Variants in FAM107B observed in about 807,000 individuals in gnomAD.
The protein encoded by FAM107B is protein FAM107B.
Under a neutral mutation model 31.5 loss-of-function variants are expected in FAM107B, and 21 were observed. The observed-to-expected ratio is 0.67, with a 90% CI of 0.47 to 0.96. The LOEUF is 0.96. Ranked by LOEUF, FAM107B falls within the 40% of genes least tolerant of loss-of-function variation. The pLI is 0.00. For missense variants in FAM107B, 452 were observed against 377.1 expected, an observed-to-expected ratio of 1.20 and a Z score of -1.64; for synonymous variants, 157 against 141.5, an observed-to-expected ratio of 1.11 and a Z score of -0.78.
At chr10:14,631,331 T>C (rs183530952) in intron 2 of FAM107B, among the ~76,000 whole-genome samples, 2 of 152,340 alleles carry the variant, frequency 1.3e-5, no homozygotes, top group East Asian at 1.9e-4. Context: ...CCATATAAAG[T>C]ACCATGTCAG....
At chr10:14,724,697 AAAC>A (rs1410751013) in intron 1 of FAM107B, among the ~76,000 whole-genome samples, 1 of 152,250 alleles carries the variant, frequency 6.6e-6, no homozygotes, top group East Asian at 1.9e-4. Context: ...GGAAAAAAAA[AAAC>A]AACACCTAAA....
intron 2 of FAM107B, among the ~76,000 whole-genome samples, chr10:14,583,653 A>C (rs1021568327): frequency 6.6e-6 from 1 of 152,146 alleles, no homozygotes; most frequent in Non-Finnish European, 1.5e-5. Flanking sequence ...GAGGAAGAAG[A>C]AGAGGCTGGG....
chr10:14,580,739 G>C (rs12773723), intron 2 of FAM107B, among the ~76,000 whole-genome samples: 26,657 of 151,564 alleles, frequency 0.18, 2,759 homozygotes, highest in Middle Eastern at 0.29. Context: ...ATTATGCCTA[G>C]CCTTTAATTC....
chr10:14,702,807 C>G (rs534967052), intron 1 of FAM107B, among the ~76,000 whole-genome samples: 28 of 152,266 alleles, frequency 1.8e-4, no homozygotes, highest in Admixed American at 1.5e-3. Context: ...ATTTTGCCCT[C>G]AAAGATCAAC....
intron 1 of FAM107B, among the ~76,000 whole-genome samples, chr10:14,674,180 A>G (rs1375210721): frequency 6.6e-6 from 1 of 152,216 alleles, no homozygotes; most frequent in Non-Finnish European, 1.5e-5. Context: ...ACTTCAGCAC[A>G]TTGGTCTAGG....
intron 1 of FAM107B, among the ~76,000 whole-genome samples, chr10:14,719,461 G>A (rs561195997): frequency 2.6e-4 from 40 of 151,954 alleles, no homozygotes; most frequent in African/African-American, 8.7e-4. Context: ...TTCTTTCAAC[G>A]AACATAAATA....
chr10:14,739,598 C>T (rs546936332), intron 1 of FAM107B, among the ~76,000 whole-genome samples: 88 of 151,788 alleles, frequency 5.8e-4, no homozygotes, highest in African/African-American at 2.0e-3. Flanking sequence ...CAGTGCCTGG[C>T]ATATAGTAAG....
chr10:14,549,866 C>T lies in FAM107B; in HGVS notation c.470-19351G>A, dbSNP rs569136826. ...CTTAAAAGCTGAATGGGAAAATGAC[C>T]GCATCCTGCAAGTGAGCATCCTACT... On this transcript the variant is annotated intron_variant, in intron 2 of 4. Coordinates refer to ENST00000181796, the MANE Select transcript of FAM107B (RefSeq NM_031453.4). 7.9e-5 allele frequency among the ~76,000 whole-genome samples: 12 copies of T among 152,116 alleles called. No homozygotes were observed. The East Asian group carries it at 1.7e-3, about 22-fold the overall frequency.
In FAM107B at chr10:14,767,757, G is replaced by A. The variant is rs562658809; in HGVS notation, c.411+6496C>T. ...CTGAAAGCTTTTACTCTGAAATCAGGAACAAAACAAGGATGCTTACTTTGC... is the reference window on the plus strand; with the variant it reads ...CTGAAAGCTTTTACTCTGAAATCAGAAACAAAACAAGGATGCTTACTTTGC... On this transcript the variant is annotated intron_variant, in intron 1 of 4. Transcript: ENST00000181796. Among the ~76,000 whole-genome samples the A allele has an allele frequency of 1.1e-3, 175 of 152,204 alleles. 2 individuals carry two copies. The South Asian group carries it at 0.035, about 30-fold the overall frequency.
intron 1 of FAM107B, among the ~76,000 whole-genome samples, chr10:14,729,449 T>A (rs1856112909): frequency 6.6e-6 from 1 of 152,148 alleles, no homozygotes; most frequent in African/African-American, 2.4e-5. Context: ...GGAATGCTAA[T>A]ACAAATTAGC....
intron 1 of FAM107B, among the ~76,000 whole-genome samples, chr10:14,739,065 C>T (rs1212444253): frequency 1.3e-5 from 2 of 152,138 alleles, no homozygotes; most frequent in Non-Finnish European, 2.9e-5. Flanking sequence ...TTGGTGGTCT[C>T]AGGATATTCA....
intron 2 of FAM107B, among the ~76,000 whole-genome samples, chr10:14,620,871 T>A (rs573808645): frequency 6.6e-6 from 1 of 152,342 alleles, no homozygotes; most frequent in East Asian, 1.9e-4. Context: ...TCCTTATCAA[T>A]GTTTTGTACT....
intron 2 of FAM107B, among the ~76,000 whole-genome samples, chr10:14,614,185 G>A (rs11812364): frequency 0.15 from 22,064 of 151,954 alleles, 1,912 homozygotes; most frequent in Admixed American, 0.27. Context: ...CTAAACAGTC[G>A]TTGTCCTGGG....
At chr10:14,687,835 C>A (rs1855026486) in intron 1 of FAM107B, among the ~76,000 whole-genome samples, 1 of 152,142 alleles carries the variant, frequency 6.6e-6, no homozygotes, top group Non-Finnish European at 1.5e-5. Flanking sequence ...GCATGCACAA[C>A]CACACACACA....
chr10:14,584,103 G>A (rs1465089704), intron 2 of FAM107B, among the ~76,000 whole-genome samples: 1 of 152,160 alleles, frequency 6.6e-6, no homozygotes, highest in African/African-American at 2.4e-5. Context: ...ACTGATGGAG[G>A]GACCAAGCAA....
At chr10:14,595,421 C>T (rs930904902) in intron 2 of FAM107B, among the ~76,000 whole-genome samples, 5 of 44,292 alleles carry the variant, frequency 1.1e-4, no homozygotes, top group Non-Finnish European at 2.1e-4. Flanking sequence ...CCTAGGGCAA[C>T]CTTTTTTTTT....
chr10:14,617,922 T>C (rs866737363), intron 2 of FAM107B, among the ~76,000 whole-genome samples: 21 of 152,272 alleles, frequency 1.4e-4, no homozygotes, highest in African/African-American at 4.6e-4. Context: ...AAACCCAGCT[T>C]CTTGAAGTGA....
chr10:14,699,903 A>G (rs1444876516), intron 1 of FAM107B, among the ~76,000 whole-genome samples: 1 of 152,164 alleles, frequency 6.6e-6, no homozygotes, highest in Admixed American at 6.6e-5. Context: ...TGCAGGGGAT[A>G]GTGAAGAGTC....
chr10:14,629,521 A>ATATATAT lies in FAM107B; in HGVS notation c.469+38112_469+38113insATATATA, dbSNP rs1172189422. ...ATATATATTTAATATATATATATAT[A>ATATATAT]TTTTTTTTTGAGATGAAGACTCGCT... On this transcript the variant is annotated intron_variant, in intron 2 of 4. Coordinates refer to ENST00000181796, the MANE Select transcript of FAM107B (RefSeq NM_031453.4). Among the ~76,000 whole-genome samples, 68 of 97,802 alleles carry ATATATAT rather than the reference A, an allele frequency of 7.0e-4. 3 individuals are homozygous for ATATATAT. The highest frequency in any genetic ancestry group is 2.6e-3 in the African/African-American group (60 of 22,834). The allele number at this position is 97,802 out of a possible 152,430, so 64.2% of individuals were successfully genotyped here. A position where few individuals can be genotyped will look rare whatever the true frequency, so the allele number is the denominator to read the frequency against.
Sources: gnomAD v4.1 joint callset for allele counts (sites outside exome capture counted in the v4.1 genomes callset) on GRCh38, gnomAD v4.1.1 for gene constraint, MANE v1.5 for transcripts, NCBI Gene and HGNC (gene_info 2026-07-23, HGNC 2026-07-21) for gene names.